The following DCP1A variants were observed in gnomAD, a reference collection of about 807,000 sequenced individuals.
DCP1A encodes the protein decapping mRNA 1A.
Under a neutral mutation model 58.0 loss-of-function variants are expected in DCP1A, and 20 were observed. The observed-to-expected ratio is 0.34, with a 90% CI of 0.24 to 0.50. The LOEUF is 0.50. Among genes scored for constraint, DCP1A ranks in the 20% least tolerant of loss-of-function variants. The pLI is 0.98. For synonymous variants in DCP1A, 285 were observed against 275.1 expected, an observed-to-expected ratio of 1.04 and a Z score of -0.36; for missense variants, 613 against 712.2, an observed-to-expected ratio of 0.86 and a Z score of 1.59.
At chr3:53,297,857 C>T (rs1707180590) in intron 6 of DCP1A, among the ~76,000 whole-genome samples, 1 of 152,136 alleles carries the variant, frequency 6.6e-6, no homozygotes, top group Non-Finnish European at 1.5e-5. Context: ...CAAAATACAC[C>T]TGAGGCATAA....
chr3:53,343,286 T>A (rs150560232), intron 2 of DCP1A, among the ~76,000 whole-genome samples: 1 of 152,210 alleles, frequency 6.6e-6, no homozygotes, highest in African/African-American at 2.4e-5. Flanking sequence ...TATGAAGTAA[T>A]AGCTGCAAAG....
chr3:53,300,929 T>G (rs553833478), intron 6 of DCP1A, among the ~76,000 whole-genome samples: 1 of 152,264 alleles, frequency 6.6e-6, no homozygotes, highest in South Asian at 2.1e-4. Context: ...ATTACAGGTG[T>G]GAGTCACCAT....
At position 53,285,822 on chromosome 3, in the gene DCP1A, ACT is replaced by A. The variant is rs1490700481; in HGVS notation, c.*1756_*1757del. 1 of 152,086 alleles carries A rather than the reference ACT, an allele frequency of 6.6e-6. No homozygotes were observed. Among genetic ancestry groups the A allele is most frequent in the African/African-American group, 2.4e-5 (1 of 41,420 alleles). 9.4% of individuals were successfully genotyped at this position (152,086 alleles called of 1,614,324 possible). On this transcript the variant is annotated 3_prime_UTR_variant, in exon 10 of 10. Transcript: ENST00000610213. ...GACACCATCTCCCGGTGTCAGCAAC[ACT>A]CTGTATCCCACTATAGCTTTCTCGT...
intron 3 of DCP1A, among the ~76,000 whole-genome samples, chr3:53,323,571 A>C (rs536565052): frequency 6.6e-6 from 1 of 152,302 alleles, no homozygotes; most frequent in Non-Finnish European, 1.5e-5. Flanking sequence ...GTGATAAGAA[A>C]AGTTTATGAT....
chr3:53,306,498 C>T (rs1244774968), intron 5 of DCP1A, among the ~76,000 whole-genome samples: 2 of 152,110 alleles, frequency 1.3e-5, no homozygotes, highest in Non-Finnish European at 2.9e-5. Flanking sequence ...AGGAAGATCA[C>T]TTGAGACCAA....
chr3:53,288,044 T>C (rs782318047), intron 9 of DCP1A, 21 bp downstream of exon 9: 4 of 1,569,560 alleles, frequency 2.5e-6, no homozygotes, highest in South Asian at 2.3e-5. Context: ...AAATCAAAGA[T>C]AAAATTGGTA....
At position 53,331,440 on chromosome 3, in the gene DCP1A, T is replaced by C. The variant is rs552673109; in HGVS notation, c.304+10704A>G. Among the ~76,000 whole-genome samples, 3 of 152,348 alleles carry C rather than the reference T, an allele frequency of 2.0e-5. No homozygotes were observed. In the East Asian group the frequency reaches 5.8e-4, roughly 29 times the overall value. ...ACTGTACGTTTTCTCTTAAGATGTA[T>C]TTAGATGTACAAATTCTTACCAATG... On this transcript the variant is annotated intron_variant, in intron 3 of 9. Coordinates refer to ENST00000610213, the MANE Select transcript of DCP1A (RefSeq NM_018403.7).
chr3:53,342,093 A>C, intron 3 of DCP1A, 51 bp downstream of exon 3: 1 of 1,470,586 alleles, frequency 6.8e-7, no homozygotes, highest in Admixed American at 2.0e-5. Context: ...GATAGAAACT[A>C]AAGTCACTCA....
chr3:53,331,298 G>A (rs1371038303), intron 3 of DCP1A, among the ~76,000 whole-genome samples: 2 of 152,194 alleles, frequency 1.3e-5, no homozygotes, highest in African/African-American at 2.4e-5. Context: ...CTAGCTGTAA[G>A]AAAGAGAAAA....
intron 6 of DCP1A, 31 bp downstream of exon 6, chr3:53,304,146 A>T: frequency 6.7e-7 from 1 of 1,499,266 alleles, no homozygotes; most frequent in Non-Finnish European, 9.2e-7. Context: ...TTTGTTACTT[A>T]GGACAAAGCT....
Position 53,304,169 on chromosome 3 carries a change from G to A in DCP1A, c.624+8C>T. 4.4e-6 allele frequency: 7 copies of A among 1,596,878 alleles called. No homozygotes were observed. Among genetic ancestry groups the A allele is most frequent in the Non-Finnish European group, 6.0e-6 (7 of 1,165,522 alleles). On this transcript the variant is annotated splice_region_variant and intron_variant, in intron 6 of 9. Transcript: ENST00000610213. ...TTAGGACAAAGCTAGAGCTTTAGCT[G>A]TACAAACCTTATCCTGTGACCCGGA...
At chr3:53,322,924 C>G (rs1372061475) in intron 3 of DCP1A, among the ~76,000 whole-genome samples, 1 of 151,930 alleles carries the variant, frequency 6.6e-6, no homozygotes, top group Admixed American at 6.6e-5. Flanking sequence ...CCATTCTCCT[C>G]AGCCGCCCGA....
chr3:53,312,169 T>C (rs1033474409), intron 5 of DCP1A, 72 bp downstream of exon 5: 38 of 1,468,316 alleles, frequency 2.6e-5, no homozygotes, highest in South Asian at 1.6e-4. Flanking sequence ...CCTAGTAAAA[T>C]AGTCTCCTGC....
chr3:53,345,160 A>G (rs1413716637), intron 1 of DCP1A, among the ~76,000 whole-genome samples: 5 of 152,310 alleles, frequency 3.3e-5, no homozygotes, highest in Admixed American at 3.3e-4. Context: ...TGCAATATTT[A>G]ATCCAGCAAC....
chr3:53,305,085 G>C (rs962146356), intron 5 of DCP1A, among the ~76,000 whole-genome samples: 3 of 152,000 alleles, frequency 2.0e-5, no homozygotes, highest in Non-Finnish European at 4.4e-5. Flanking sequence ...CTCTAGTTTC[G>C]TCTTTTCAAA....
At position 53,300,100 on chromosome 3, in the gene DCP1A, T is replaced by C. The variant is rs946127853; in HGVS notation, c.624+4077A>G. ...CCAGGCTGGTCTCAAACTCCTGACCTCATGATCTGCCTGTCTCGGCCTCCC... is the reference window on the plus strand; with the variant it reads ...CCAGGCTGGTCTCAAACTCCTGACCCCATGATCTGCCTGTCTCGGCCTCCC... On this transcript the variant is annotated intron_variant, in intron 6 of 9. Transcript: ENST00000610213. 1.3e-4 allele frequency among the ~76,000 whole-genome samples: 20 copies of C among 152,022 alleles called. 1 individual carries two copies. Among genetic ancestry groups the C allele is most frequent in the African/African-American group, 4.8e-4 (20 of 41,380 alleles).
chr3:53,340,298 T>C (rs1289564354), intron 3 of DCP1A, among the ~76,000 whole-genome samples: 1 of 152,202 alleles, frequency 6.6e-6, no homozygotes, highest in Non-Finnish European at 1.5e-5. Context: ...TTAACATTAG[T>C]TTAAATAAAT....
In DCP1A at chr3:53,297,831, TG is replaced by T. The variant is rs781782896; in HGVS notation, c.625-5005del. Among the ~76,000 whole-genome samples the T allele has an allele frequency of 5.9e-5, 9 of 152,306 alleles. No individual in the cohort carries two copies. The East Asian group carries it at 1.3e-3, about 23-fold the overall frequency. On this transcript the variant is annotated intron_variant, in intron 6 of 9. Coordinates refer to ENST00000610213, the MANE Select transcript of DCP1A (RefSeq NM_018403.7). ...AAAGGAATAATCAAATGGCAGGACA[TG>T]GAGAAACCTCATCACAAAATACACC...
intron 3 of DCP1A, chr3:53,338,052 A>C: frequency 2.8e-6 from 1 of 361,202 alleles, no homozygotes; most frequent in South Asian, 2.0e-5. Context: ...TTGAAGCCCG[A>C]AAGACCTACT....
Sources: allele counts gnomAD v4.1 joint callset (sites outside exome capture counted in the v4.1 genomes callset), GRCh38; gene constraint gnomAD v4.1.1; transcripts MANE v1.5; gene names NCBI Gene and HGNC (gene_info 2026-07-23, HGNC 2026-07-21).